Variants in AEBP2 observed in about 807,000 individuals in gnomAD.
The protein encoded by AEBP2 is zinc finger protein AEBP2.
AEBP2 carries 10 observed loss-of-function variants against 50.8 expected under a neutral mutation model. The ratio of observed to expected loss-of-function variants is 0.20; its 90% CI spans 0.12 to 0.33. The LOEUF (loss-of-function observed/expected upper bound fraction) is 0.33. Ranked by LOEUF, AEBP2 falls within the 10% of genes least tolerant of loss-of-function variation. AEBP2 has a pLI of 1.00. For missense variants in AEBP2, 570 were observed against 688.0 expected (o/e 0.83, Z 1.92); for synonymous variants, 296 against 261.3 (o/e 1.13, Z -1.28).
chr12:19,489,692 C>A (rs1948866491), intron 3 of AEBP2, among the ~76,000 whole-genome samples: 1 of 152,190 alleles, frequency 6.6e-6, no homozygotes, highest in African/African-American at 2.4e-5. Flanking sequence ...TGGTACTAGA[C>A]TATTTGAAGC....
chr12:19,427,343 G>A (rs2095749070), intron 1 of AEBP2, among the ~76,000 whole-genome samples: 2 of 137,346 alleles, frequency 1.5e-5, no homozygotes, highest in East Asian at 4.4e-4. Context: ...ATGTGCCACT[G>A]CTTTCCAGTT....
chr12:19,460,937 C>T (rs7958449), intron 1 of AEBP2, among the ~76,000 whole-genome samples: 58,627 of 151,566 alleles, frequency 0.39, 12,294 homozygotes, highest in Non-Finnish European at 0.49. Context: ...TACAGGCATG[C>T]GCCACTGTGC....
intron 1 of AEBP2, among the ~76,000 whole-genome samples, chr12:19,408,929 A>G (rs1215212104): frequency 6.6e-6 from 1 of 151,674 alleles, no homozygotes; most frequent in East Asian, 1.9e-4. Flanking sequence ...AAATAAATAA[A>G]GTAAAAATAA....
At chr12:19,436,581 TTTTTTC>T (rs1445579534), upstream of AEBP2, among the ~76,000 whole-genome samples, 5 of 42,272 alleles carry the variant, frequency 1.2e-4, no homozygotes, top group African/African-American at 7.5e-4. Flanking sequence ...TTTTCTTTTC[TTTTTTC>T]TTTTTTTTTT....
intron 1 of AEBP2, among the ~76,000 whole-genome samples, chr12:19,451,663 C>A (rs572880300): frequency 1.3e-5 from 2 of 149,250 alleles, no homozygotes; most frequent in East Asian, 3.9e-4. Flanking sequence ...AGGATGGGGT[C>A]TTTCAAAAGT....
At chr12:19,450,667 CAAAAA>C (rs377612745) in intron 1 of AEBP2, among the ~76,000 whole-genome samples, 1 of 119,676 alleles carries the variant, frequency 8.4e-6, no homozygotes, top group African/African-American at 3.2e-5. Flanking sequence ...CCATCTCTAC[CAAAAA>C]AAAAAAAAAG....
chr12:19,495,221 A>G (rs1049950626), intron 4 of AEBP2, among the ~76,000 whole-genome samples: 21 of 152,186 alleles, frequency 1.4e-4, no homozygotes, highest in African/African-American at 1.4e-4. Context: ...AGTTTTAACT[A>G]CATATCCTCA....
At chr12:19,484,993 A>G (rs1160501486) in intron 3 of AEBP2, among the ~76,000 whole-genome samples, 3 of 152,212 alleles carry the variant, frequency 2.0e-5, no homozygotes, top group Non-Finnish European at 4.4e-5. Flanking sequence ...AGTTGGTAGT[A>G]CTAATTACAT....
intron 3 of AEBP2, among the ~76,000 whole-genome samples, chr12:19,476,122 C>T (rs950158177): frequency 3.3e-5 from 5 of 152,280 alleles, no homozygotes; most frequent in African/African-American, 1.2e-4. Context: ...GGTTCTTGGT[C>T]ATAAACTCTT....
intron 7 of AEBP2, 63 bp from the exon 8 acceptor site, chr12:19,518,024 C>T: frequency 6.9e-7 from 1 of 1,455,762 alleles, no homozygotes; most frequent in Non-Finnish European, 9.3e-7. Context: ...TTTAATGTCT[C>T]TTGAAGCACT....
chr12:19,416,481 C>T (rs1471991602), intron 1 of AEBP2, among the ~76,000 whole-genome samples: 2 of 152,098 alleles, frequency 1.3e-5, no homozygotes, highest in African/African-American at 4.8e-5. Context: ...TCTTGGCTCA[C>T]TGCAACCTCC....
chr12:19,478,886 A>C (rs904882719), intron 3 of AEBP2, among the ~76,000 whole-genome samples: 1 of 152,016 alleles, frequency 6.6e-6, no homozygotes, highest in African/African-American at 2.4e-5. Flanking sequence ...TTTGTGACCT[A>C]TCATATGGTC....
At chr12:19,469,013 C>A (rs1948531253) in intron 2 of AEBP2, among the ~76,000 whole-genome samples, 1 of 152,212 alleles carries the variant, frequency 6.6e-6, no homozygotes, top group African/African-American at 2.4e-5. Context: ...CAACTTTCGC[C>A]TCCCAGGTTC....
intron 1 of AEBP2, among the ~76,000 whole-genome samples, chr12:19,424,102 G>T (rs1261026807): frequency 2.0e-5 from 3 of 152,136 alleles, no homozygotes; most frequent in Admixed American, 2.0e-4. Flanking sequence ...GTTGGGCCAA[G>T]TAGGTAGACT....
intron 1 of AEBP2, among the ~76,000 whole-genome samples, chr12:19,442,852 T>C (rs549430809): frequency 4.5e-4 from 68 of 152,174 alleles, no homozygotes; most frequent in Non-Finnish European, 8.5e-4. Context: ...CCCTAATTCT[T>C]ATAAATTACT....
chr12:19,462,363 T>G, intron 1 of AEBP2, 147 bp from the exon 2 acceptor site: 1 of 646,252 alleles, frequency 1.5e-6, no homozygotes, highest in Non-Finnish European at 2.6e-6. Flanking sequence ...TTTAAAAGCA[T>G]TGTTGTTTTC....
At chr12:19,458,381 T>C (rs150528325) in intron 1 of AEBP2, among the ~76,000 whole-genome samples, 9 of 152,314 alleles carry the variant, frequency 5.9e-5, no homozygotes, top group African/African-American at 2.2e-4. Context: ...CCTGTTCAGC[T>C]TGGGGGAGAC....
chr12:19,510,345 T>C (rs758410239), intron 5 of AEBP2, among the ~76,000 whole-genome samples: 7 of 152,032 alleles, frequency 4.6e-5, no homozygotes, highest in East Asian at 1.9e-4. Flanking sequence ...TTTTCACCCA[T>C]TATTGGAGTT....
chr12:19,491,444 G>C lies in AEBP2; in HGVS notation c.988-2356G>C, dbSNP rs533701932. Among the ~76,000 whole-genome samples, 307 of 152,164 alleles carry C rather than the reference G, an allele frequency of 2.0e-3. 1 individual carries two copies. Among genetic ancestry groups the C allele is most frequent in the Non-Finnish European group, 3.7e-3 (254 of 68,008 alleles). On this transcript the variant is annotated intron_variant, in intron 3 of 7. Coordinates refer to ENST00000266508, the MANE Select transcript of AEBP2 (RefSeq NM_153207.5). ...CCTTTGAAGTTATACTGCTTTATAT[G>C]TATGTTTTGCGGAACATATAGAAGC... is the stretch of plus-strand genomic sequence containing the variant.
Sources: gnomAD v4.1 joint callset for allele counts (sites outside exome capture counted in the v4.1 genomes callset) on GRCh38, gnomAD v4.1.1 for gene constraint, MANE v1.5 for transcripts, NCBI Gene and HGNC (gene_info 2026-07-23, HGNC 2026-07-21) for gene names.